CLMP: variants seen among roughly 807,000 people sequenced by gnomAD.
CLMP encodes the protein CXADR like cell adhesion molecule.
A neutral mutation model predicts 45.2 loss-of-function variants in CLMP; 27 were observed. That is an observed-to-expected ratio of 0.60 (90% CI 0.44 to 0.82). The LOEUF is 0.82. Among genes scored for constraint, CLMP ranks in the 40% least tolerant of loss-of-function variants. CLMP has a pLI of 0.00. For synonymous variants in CLMP, 167 were observed against 171.4 expected, an observed-to-expected ratio of 0.97 and a Z score of 0.20; for missense variants, 403 against 448.4, an observed-to-expected ratio of 0.90 and a Z score of 0.91.
chr11:123,093,779 T>G (rs925600675), intron 2 of CLMP, among the ~76,000 whole-genome samples: 19 of 152,144 alleles, frequency 1.2e-4, no homozygotes, highest in African/African-American at 4.6e-4. Flanking sequence ...AATAAAAAAA[T>G]TAAAAATATG....
chr11:123,080,548 A>G (rs1865792897), intron 5 of CLMP, among the ~76,000 whole-genome samples: 1 of 152,090 alleles, frequency 6.6e-6, no homozygotes, highest in Non-Finnish European at 1.5e-5. Flanking sequence ...GCTGGTCTCG[A>G]ACTCCCAACT....
intron 1 of CLMP, among the ~76,000 whole-genome samples, chr11:123,150,609 G>GGAAGGAAGGAAAGGAAGGAAGGAAGGAAT (rs1861323685): frequency 1.1e-5 from 1 of 94,586 alleles, no homozygotes; most frequent in South Asian, 4.3e-4. Flanking sequence ...AAGGAATGAA[G>GGAAGGAAGGAAAGGAAGGAAGGAAGGAAT]GAAGGAAGGA....
At chr11:123,085,896 TCTC>T (rs1232547092) in intron 2 of CLMP, among the ~76,000 whole-genome samples, 1 of 151,202 alleles carries the variant, frequency 6.6e-6, no homozygotes, top group Non-Finnish European at 1.5e-5. Context: ...TCTGCCTCAG[TCTC>T]CTGAGTAGCT....
intron 1 of CLMP, chr11:123,136,415 TCCCCCCCACCCCGCCCTCCTTGTC>T (rs1861071705): frequency 5.1e-6 from 2 of 394,412 alleles, no homozygotes; most frequent in East Asian, 5.9e-5. Flanking sequence ...TCTAGGGTGG[TCCCCCCCACCCCGCCCTCCTTGTC>T]CCCCCCCACC....
rs1308238390 is a variant in CLMP, at chr11:123,150,535, A to AG, written c.28+44377_28+44378insC. Among the ~76,000 whole-genome samples, 36 of 97,370 alleles carry AG rather than the reference A, an allele frequency of 3.7e-4. 1 individual carries two copies. Among genetic ancestry groups the AG allele is most frequent in the African/African-American group, 1.5e-3 (33 of 22,596 alleles). The allele number at this position is 97,370 out of a possible 152,430, so 63.9% of individuals were successfully genotyped here. On this transcript the variant is annotated intron_variant, in intron 1 of 6. Transcript: ENST00000448775. ...AGGAAGGAAGGAAGGAAGGAAAGAA[A>AG]CAAGCAAGGAAGGAAGGAAGGAAGG...
intron 1 of CLMP, among the ~76,000 whole-genome samples, chr11:123,105,387 T>G (rs868046345): frequency 2.5e-5 from 3 of 121,122 alleles, no homozygotes; most frequent in Admixed American, 8.7e-5. Context: ...CTCCCTCCCT[T>G]CCTTCCTTCC....
chr11:123,183,173 T>C (rs1861791224), intron 1 of CLMP, among the ~76,000 whole-genome samples: 1 of 152,208 alleles, frequency 6.6e-6, no homozygotes. Flanking sequence ...TCTGAGATTC[T>C]GCATTTCCAA....
At position 123,097,934 on chromosome 11, in the gene CLMP, G is replaced by T; in HGVS notation, c.47C>A (p.Thr16Asn). Reference sequence around the variant, plus strand: ...CTTGATCTCAGTGTGAGTCCCCAAGGTTCCAACATAGTAGGAAACTGGAAG... The same window carrying T: ...CTTGATCTCAGTGTGAGTCCCCAAGTTTCCAACATAGTAGGAAACTGGAAG... ...LLLLVSYYVG[T>N]LGTHTEIKRV... Residue 16 changes from threonine to asparagine, a missense_variant, in exon 2 of 7, where the codon ACC becomes AAC. Physicochemically the swap from Thr to Asn is moderately conservative, Grantham distance 65. Transcript: ENST00000448775. 1.3e-6 allele frequency: 2 copies of T among 1,565,494 alleles called. No homozygotes were observed. Among genetic ancestry groups the T allele is most frequent in the South Asian group, 2.4e-5 (2 of 84,450 alleles).
chr11:123,191,229 A>T (rs975089770), intron 1 of CLMP, among the ~76,000 whole-genome samples: 7 of 152,328 alleles, frequency 4.6e-5, no homozygotes, highest in Admixed American at 4.6e-4. Context: ...AAAAATATCC[A>T]TCATCACTAG....
At position 123,073,535 on chromosome 11, in the gene CLMP, G is replaced by A; in HGVS notation, c.1061C>T (p.Thr354Ile). The A allele has an allele frequency of 6.2e-7, 1 of 1,614,214 alleles. No homozygotes were observed. The highest frequency in any genetic ancestry group is 8.5e-7 in the Non-Finnish European group (1 of 1,180,038). The stretch of plus-strand genomic sequence containing the variant: ...CATGCTGGGTGTGGTTTCTGCTTTG[G>A]TCAGATTAGCATGGTGGACTTTCTT... ...EPKKVHHANLTKAETTPSMIP... is the reference protein window; with the variant it reads ...EPKKVHHANLIKAETTPSMIP... The change falls in exon 7 of 7, where the codon ACC becomes ATC. Residue 354 changes from threonine (T) to isoleucine (I), a missense_variant. Coordinates refer to ENST00000448775, the MANE Select transcript of CLMP (RefSeq NM_024769.5).
chr11:123,130,054 C>T (rs372227005), intron 1 of CLMP, among the ~76,000 whole-genome samples: 3 of 152,062 alleles, frequency 2.0e-5, no homozygotes, highest in Admixed American at 1.3e-4. Context: ...TCTGCCCACA[C>T]TCAGAAAAGA....
chr11:123,166,488 G>A (rs1032924278), intron 1 of CLMP, among the ~76,000 whole-genome samples: 2 of 152,242 alleles, frequency 1.3e-5, no homozygotes, highest in African/African-American at 4.8e-5. Flanking sequence ...CAGCCTGCCT[G>A]CCTCTTGGGC....
chr11:123,121,391 A>T (rs941439325), intron 1 of CLMP, among the ~76,000 whole-genome samples: 2 of 152,026 alleles, frequency 1.3e-5, no homozygotes, highest in African/African-American at 4.8e-5. Context: ...TCCACCTCCC[A>T]GGTTCAAGCA....
chr11:123,141,331 C>T (rs1262734886), intron 1 of CLMP, among the ~76,000 whole-genome samples: 1 of 151,750 alleles, frequency 6.6e-6, no homozygotes, highest in East Asian at 1.9e-4. Context: ...ACTACAGGCA[C>T]CCGCCACCAC....
In CLMP at chr11:123,072,044, A is replaced by G. The variant is rs1461912547; in HGVS notation, c.*1430T>C. 1 of 152,146 alleles carries G rather than the reference A, an allele frequency of 6.6e-6. No homozygotes were observed. The highest frequency in any genetic ancestry group is 6.6e-5 in the Admixed American group (1 of 15,258). 9.4% of individuals were successfully genotyped at this position (152,146 alleles called of 1,614,324 possible). Reference sequence around the variant, plus strand: ...ACTTATTCTCATCTCTTCCCTAAATATTAGTACCCTTTTCTTCCAGCCCAG... The same window carrying G: ...ACTTATTCTCATCTCTTCCCTAAATGTTAGTACCCTTTTCTTCCAGCCCAG... On this transcript the variant is annotated 3_prime_UTR_variant, in exon 7 of 7. Coordinates refer to ENST00000448775, the MANE Select transcript of CLMP (RefSeq NM_024769.5).
At chr11:123,185,610 A>G (rs754213564) in intron 1 of CLMP, among the ~76,000 whole-genome samples, 2 of 152,124 alleles carry the variant, frequency 1.3e-5, no homozygotes, top group Non-Finnish European at 1.5e-5. Flanking sequence ...GCCCTTCCCT[A>G]TTGGTGGGAG....
intron 1 of CLMP, among the ~76,000 whole-genome samples, chr11:123,188,293 G>T (rs1250691959): frequency 6.6e-6 from 1 of 152,118 alleles, no homozygotes; most frequent in African/African-American, 2.4e-5. Flanking sequence ...TCTTAAAAGG[G>T]ACATCACTGA....
At chr11:123,155,167 G>C (rs10892972) in intron 1 of CLMP, among the ~76,000 whole-genome samples, 42,810 of 152,018 alleles carry the variant, frequency 0.28, 6,299 homozygotes, top group African/African-American at 0.35. Flanking sequence ...TTTAAAATTT[G>C]TTTTGTAGAG....
rs557786166 is a variant in CLMP, at chr11:123,150,509, A to C, written c.28+44404T>G. Among the ~76,000 whole-genome samples the C allele has an allele frequency of 8.9e-4, 117 of 131,228 alleles. 1 individual carries two copies. Among genetic ancestry groups the C allele is most frequent in the East Asian group, 4.0e-3 (16 of 4,048 alleles). 86.1% of individuals were successfully genotyped at this position (131,228 alleles called of 152,430 possible). ...GAAGGAAGGAAGGAAGGAAGGAAGG[A>C]AGGAAGGAAGGAAGGAAGGAAAGAA... On this transcript the variant is annotated intron_variant, in intron 1 of 6. Transcript: ENST00000448775.
Sources: gnomAD v4.1 joint callset for allele counts (sites outside exome capture counted in the v4.1 genomes callset) on GRCh38, gnomAD v4.1.1 for gene constraint, MANE v1.5 for transcripts, NCBI Gene and HGNC (gene_info 2026-07-23, HGNC 2026-07-21) for gene names.